The following PIK3C2A variants were observed in gnomAD, a reference collection of about 807,000 sequenced individuals.
The protein encoded by PIK3C2A is phosphatidylinositol 4-phosphate 3-kinase C2 domain-containing subunit alpha.
Under a neutral mutation model 204.5 loss-of-function variants are expected in PIK3C2A, and 97 were observed. The observed-to-expected ratio is 0.47, with a 90% CI of 0.40 to 0.56. The LOEUF (loss-of-function observed/expected upper bound fraction) is 0.56, where lower values mean the gene tolerates loss of function less well. Among genes scored for constraint, PIK3C2A ranks in the 20% least tolerant of loss-of-function variants. The pLI is 0.00. For missense variants in PIK3C2A, 1,735 were observed against 1,969.2 expected (o/e 0.88, Z 2.25); for synonymous variants, 653 against 664.4 (o/e 0.98, Z 0.26).
intron 1 of PIK3C2A, among the ~76,000 whole-genome samples, chr11:17,173,330 C>T (rs1235972733): frequency 6.6e-6 from 1 of 152,158 alleles, no homozygotes. Context: ...TATGGCCCAT[C>T]AGAGTTAACT....
chr11:17,144,229 G>GT (rs923760879), intron 8 of PIK3C2A, among the ~76,000 whole-genome samples: 1 of 152,070 alleles, frequency 6.6e-6, no homozygotes, highest in Non-Finnish European at 1.5e-5. Flanking sequence ...TGCTAACTGT[G>GT]TAAGACTTGG....
chr11:17,182,195 C>T (rs922660315), intron 1 of PIK3C2A, among the ~76,000 whole-genome samples: 3 of 151,824 alleles, frequency 2.0e-5, no homozygotes, highest in African/African-American at 7.3e-5. Flanking sequence ...GCTTCCTAAC[C>T]TAGTGACTGG....
chr11:17,181,659 T>TACACACACACACACAC (rs71047535), intron 1 of PIK3C2A, among the ~76,000 whole-genome samples: 11 of 113,148 alleles, frequency 9.7e-5, no homozygotes, highest in African/African-American at 4.4e-4. Context: ...TATATATATA[T>TACACACACACACACAC]ACACACACAC....
chr11:17,089,996 C>G, intron 32 of PIK3C2A, 76 bp from the exon 33 acceptor site: 2 of 1,125,092 alleles, frequency 1.8e-6, no homozygotes, highest in Non-Finnish European at 2.6e-6. Context: ...CAAGTGAAAA[C>G]GTGAGAATAT....
intron 27 of PIK3C2A, among the ~76,000 whole-genome samples, chr11:17,095,303 C>T (rs1848419512): frequency 6.6e-6 from 1 of 150,532 alleles, no homozygotes; most frequent in South Asian, 2.1e-4. Context: ...CAGCCGGGCG[C>T]AGTGGTTCAC....
chr11:17,128,412 T>C lies in PIK3C2A; in HGVS notation c.2399+888A>G, dbSNP rs116004208. Among the ~76,000 whole-genome samples the C allele has an allele frequency of 3.0e-3, 452 of 152,016 alleles. 5 individuals carry two copies. Among genetic ancestry groups the C allele is most frequent in the African/African-American group, 0.01 (430 of 41,426 alleles). On this transcript the variant is annotated intron_variant, in intron 13 of 32. Transcript: ENST00000691414. ...TCTATGCCCAGCTAGCTAATGTTTA[T>C]ATTTTTGGCAGAGGTGGGATTTCAC...
At chr11:17,127,956 G>C (rs1294069300) in intron 13 of PIK3C2A, among the ~76,000 whole-genome samples, 1 of 152,110 alleles carries the variant, frequency 6.6e-6, no homozygotes, top group Non-Finnish European at 1.5e-5. Flanking sequence ...CAAACTGCCT[G>C]GTTCAAATCC....
chr11:17,170,534 C>T (rs928891209), intron 1 of PIK3C2A, among the ~76,000 whole-genome samples: 1 of 152,078 alleles, frequency 6.6e-6, no homozygotes, highest in African/African-American at 2.4e-5. Context: ...AGTTATAATA[C>T]CAAAATTTCT....
At chr11:17,148,076 G>A (rs1181429110) in intron 5 of PIK3C2A, among the ~76,000 whole-genome samples, 1 of 152,036 alleles carries the variant, frequency 6.6e-6, no homozygotes, top group Non-Finnish European at 1.5e-5. Flanking sequence ...AGGCGTGGTG[G>A]TGCATGCCTG....
intron 6 of PIK3C2A, 146 bp from the exon 7 acceptor site, chr11:17,146,088 T>C: frequency 3.3e-6 from 2 of 607,192 alleles, no homozygotes; most frequent in East Asian, 2.8e-5. Context: ...GAATTAAATA[T>C]TATTTGTAAC....
Position 17,169,813 on chromosome 11 carries a change from A to C in PIK3C2A, c.-65-7T>G, listed in dbSNP as rs1851101474. 4.2e-6 allele frequency: 4 copies of C among 952,982 alleles called. No individual in the cohort carries two copies. In the South Asian group the frequency reaches 6.7e-5, roughly 16 times the overall value. The allele number at this position is 952,982 out of a possible 1,614,324, so 59.0% of individuals were successfully genotyped here. A position where few individuals can be genotyped will look rare whatever the true frequency, so the allele number is the denominator to read the frequency against. ...GCTTCCAAAATAGCAAGGCCTATACATAAAAATAAACATAACACTCAATTA... is the reference window on the plus strand; with the variant it reads ...GCTTCCAAAATAGCAAGGCCTATACCTAAAAATAAACATAACACTCAATTA... On this transcript the variant is annotated splice_region_variant and splice_polypyrimidine_tract_variant and intron_variant, in intron 1 of 32. Transcript: ENST00000691414.
At chr11:17,155,280 C>T (rs1850547162) in intron 3 of PIK3C2A, among the ~76,000 whole-genome samples, 1 of 152,152 alleles carries the variant, frequency 6.6e-6, no homozygotes, top group Non-Finnish European at 1.5e-5. Flanking sequence ...ATATTTTTCA[C>T]TGGTTATTAC....
intron 8 of PIK3C2A, among the ~76,000 whole-genome samples, chr11:17,143,500 C>T (rs565619612): frequency 4.6e-5 from 7 of 152,040 alleles, no homozygotes; most frequent in Non-Finnish European, 1.0e-4. Context: ...GAGCAGGAGT[C>T]GGCCAACTTT....
rs370053887 is a variant in PIK3C2A at position 17,195,741 on chromosome 11, G to GTAA, written c.-66+12106_-66+12107insTTA. On this transcript the variant is annotated intron_variant, in intron 1 of 32. Transcript: ENST00000691414. The stretch of plus-strand genomic sequence containing the variant: ...CTGGGAGACAGAGCAAGACTCTATT[G>GTAA]CAAAAAAAAAAAAAGGAGCCCCGCG... Among the ~76,000 whole-genome samples the GTAA allele has an allele frequency of 3.8e-5, 5 of 131,780 alleles. No individual in the cohort carries two copies. The South Asian group carries it at 7.0e-4, about 19-fold the overall frequency. The allele number at this position is 131,780 out of a possible 152,430, so 86.5% of individuals were successfully genotyped here. A position where few individuals can be genotyped will look rare whatever the true frequency, so the allele number is the denominator to read the frequency against.
rs549302208 is a variant in PIK3C2A at position 17,116,597 on chromosome 11, T to G, written c.3216+894A>C. ...CATGAATATTCATAGCAGTATTCTT[T>G]TTTTTTTTTTGAGACAGAGTCTTGC... On this transcript the variant is annotated intron_variant, in intron 19 of 32. Coordinates refer to ENST00000691414, the MANE Select transcript of PIK3C2A (RefSeq NM_002645.4). 2.2e-4 allele frequency among the ~76,000 whole-genome samples: 33 copies of G among 151,836 alleles called. 1 individual carries two copies. Among genetic ancestry groups the G allele is most frequent in the African/African-American group, 7.2e-4 (30 of 41,454 alleles).
At chr11:17,190,690 A>G (rs947391459) in intron 1 of PIK3C2A, among the ~76,000 whole-genome samples, 7 of 152,172 alleles carry the variant, frequency 4.6e-5, no homozygotes, top group African/African-American at 1.7e-4. Context: ...GAAAAGAAAT[A>G]CTGGAAAGGA....
intron 1 of PIK3C2A, among the ~76,000 whole-genome samples, chr11:17,202,480 G>A (rs1269977261): frequency 6.6e-6 from 1 of 150,810 alleles, no homozygotes; most frequent in East Asian, 2.0e-4. Context: ...TGGCTAAGGT[G>A]GGAGAATCAC....
At chr11:17,193,585 C>A in intron 1 of PIK3C2A, 1 of 387,106 alleles carries the variant, frequency 2.6e-6, no homozygotes, top group Non-Finnish European at 5.1e-6. Context: ...TGGTGGCTTA[C>A]GCCCGTAATC....
chr11:17,196,802 C>T (rs1408391166), intron 1 of PIK3C2A, among the ~76,000 whole-genome samples: 2 of 152,046 alleles, frequency 1.3e-5, no homozygotes, highest in African/African-American at 4.8e-5. Context: ...GATCTCCTGA[C>T]CTCGTGATCC....
Sources: allele counts gnomAD v4.1 joint callset (sites outside exome capture counted in the v4.1 genomes callset), GRCh38; gene constraint gnomAD v4.1.1; transcripts MANE v1.5; gene names NCBI Gene and HGNC (gene_info 2026-07-23, HGNC 2026-07-21).